Variants in SLC38A11 observed in about 807,000 individuals in gnomAD.
SLC38A11 encodes putative sodium-coupled neutral amino acid transporter 11.
Under a neutral mutation model 49.4 loss-of-function variants are expected in SLC38A11, and 51 were observed. That is an observed-to-expected ratio of 1.03 (90% CI 0.83 to 1.30). The LOEUF is 1.30. Ranked by LOEUF, SLC38A11 falls within the 50% of genes most tolerant of loss-of-function variation. The probability of loss-of-function intolerance (pLI) is 0.00; values close to 1 mark genes in which losing one functional copy is unlikely to be tolerated. For missense variants in SLC38A11, 574 were observed against 556.2 expected, an observed-to-expected ratio of 1.03 and a Z score of -0.32; for synonymous variants, 203 against 192.9, an observed-to-expected ratio of 1.05 and a Z score of -0.43.
chr2:164,898,692 T>G lies in SLC38A11; in HGVS notation c.1134A>C (p.Pro378=). 2 of 1,613,338 alleles carry G rather than the reference T, an allele frequency of 1.2e-6. No homozygotes were observed. The highest frequency in any genetic ancestry group is 1.7e-6 in the Non-Finnish European group (2 of 1,179,600). Residue 378 remains proline (P), a synonymous_variant, in exon 12 of 12, where the codon CCA becomes CCC. Coordinates refer to ENST00000685975, the MANE Select transcript of SLC38A11 (RefSeq NM_001351537.2). ...CAGACAGTTTCAGATAACAGGCTGATGGAATGATAAAAATGAGGGGAGTTG... is the reference window on the plus strand; with the variant it reads ...CAGACAGTTTCAGATAACAGGCTGAGGGAATGATAAAAATGAGGGGAGTTG... The part of the protein sequence containing the change: ...LCATPLIFII[P]SACYLKLSEE...
intron 7 of SLC38A11, among the ~76,000 whole-genome samples, chr2:164,927,156 C>T (rs1020876777): frequency 4.6e-5 from 7 of 152,114 alleles, no homozygotes; most frequent in Non-Finnish European, 7.3e-5. Flanking sequence ...CCTTCCTCCT[C>T]GTGAAGATGC....
chr2:164,915,362 A>C, intron 8 of SLC38A11, 89 bp from the exon 9 acceptor site: 1 of 1,154,884 alleles, frequency 8.7e-7, no homozygotes, highest in Non-Finnish European at 1.2e-6. Flanking sequence ...ACTACTTTAG[A>C]TGCCAATGAA....
chr2:164,948,481 A>T (rs10169509), intron 3 of SLC38A11, among the ~76,000 whole-genome samples: 121,334 of 152,130 alleles, frequency 0.8, 48,818 homozygotes, highest in East Asian at 0.99. Context: ...TTAAGTAAAT[A>T]GATCTCTACA....
At position 164,944,627 on chromosome 2, in the gene SLC38A11, T is replaced by C; in HGVS notation, c.372A>G (p.Ile124Met). 1 of 1,279,210 alleles carries C rather than the reference T, an allele frequency of 7.8e-7. No homozygotes were observed. The highest frequency in any genetic ancestry group is 2.9e-5 in the East Asian group (1 of 35,002). The allele number at this position is 1,279,210 out of a possible 1,614,324, so 79.2% of individuals were successfully genotyped here. ...TATCTCCAGCTATTATATTGTAACTTATCATTGCTAAAAACATAATTAAAA... is the reference window on the plus strand; with the variant it reads ...TATCTCCAGCTATTATATTGTAACTCATCATTGCTAAAAACATAATTAAAA... ...LQFLYPFIAM[I>M]SYNIIAGDTL... The change falls in exon 5 of 12, where the codon ATA becomes ATG. Residue 124 changes from isoleucine (I) to methionine (M), a missense_variant. Physicochemically the swap from Ile to Met is conservative, Grantham distance 10. Transcript: ENST00000685975.
chr2:164,933,613 A>G lies in SLC38A11; in HGVS notation c.617+3737T>C, dbSNP rs114840673. 5.1e-3 allele frequency among the ~76,000 whole-genome samples: 780 copies of G among 152,234 alleles called. 4 individuals are homozygous for G. The highest frequency in any genetic ancestry group is 0.018 in the African/African-American group (755 of 41,566). On this transcript the variant is annotated intron_variant, in intron 7 of 11. Coordinates refer to ENST00000685975, the MANE Select transcript of SLC38A11 (RefSeq NM_001351537.2). Reference sequence around the variant, plus strand: ...CTTCCCCTTTTCTGATAGTGGGTTTAAAGATCTTTTTCAAACACCACTTTA... The same window carrying G: ...CTTCCCCTTTTCTGATAGTGGGTTTGAAGATCTTTTTCAAACACCACTTTA...
At chr2:164,910,700 A>G (rs1685339710) in intron 10 of SLC38A11, among the ~76,000 whole-genome samples, 1 of 152,100 alleles carries the variant, frequency 6.6e-6, no homozygotes, top group African/African-American at 2.4e-5. Flanking sequence ...TAGATATTTC[A>G]CTTATCTCAT....
chr2:164,924,799 A>T (rs992197820), intron 7 of SLC38A11, among the ~76,000 whole-genome samples: 5 of 152,028 alleles, frequency 3.3e-5, no homozygotes, highest in Non-Finnish European at 7.4e-5. Flanking sequence ...CAGTGGCGCA[A>T]TCTCGGCTCA....
chr2:164,918,944 C>G (rs1406303522), intron 7 of SLC38A11, among the ~76,000 whole-genome samples: 2 of 151,990 alleles, frequency 1.3e-5, no homozygotes, highest in Non-Finnish European at 2.9e-5. Context: ...TCCATACACA[C>G]AAATGGGAAG....
In SLC38A11 at chr2:164,894,593, A is replaced by C. The variant is rs532110691; in HGVS notation, c.*3844T>G. 1.2e-4 allele frequency among the ~76,000 whole-genome samples: 19 copies of C among 152,282 alleles called. No homozygotes were observed. Among genetic ancestry groups the C allele is most frequent in the Non-Finnish European group, 2.8e-4 (19 of 68,026 alleles). Reference sequence around the variant, plus strand: ...TTTCTTCATTCTCACAATGGCAGCCATGAAACTCAGGTAACCTTCCCTGAG... The same window carrying C: ...TTTCTTCATTCTCACAATGGCAGCCCTGAAACTCAGGTAACCTTCCCTGAG... On this transcript the variant is annotated 3_prime_UTR_variant, in exon 12 of 12. Transcript: ENST00000685975.
intron 1 of SLC38A11, 123 bp from the exon 2 acceptor site, chr2:164,954,868 T>G (rs1420331590): frequency 1.8e-6 from 1 of 562,794 alleles, no homozygotes; most frequent in Non-Finnish European, 3.2e-6. Context: ...CTAATGAAAA[T>G]AAAATAAATG....
chr2:164,918,179 C>T (rs186682126), intron 7 of SLC38A11, among the ~76,000 whole-genome samples: 20 of 151,704 alleles, frequency 1.3e-4, no homozygotes, highest in Admixed American at 1.3e-3. Context: ...AAGTTATAGA[C>T]CTTTTGACTT....
intron 11 of SLC38A11, among the ~76,000 whole-genome samples, chr2:164,908,306 A>G (rs1391015994): frequency 1.3e-5 from 2 of 152,140 alleles, no homozygotes; most frequent in African/African-American, 4.8e-5. Flanking sequence ...TCTCAACCTC[A>G]GCACAATTGA....
intron 11 of SLC38A11, among the ~76,000 whole-genome samples, chr2:164,902,229 C>G (rs937675915): frequency 1.3e-5 from 2 of 151,842 alleles, no homozygotes; most frequent in African/African-American, 4.8e-5. Flanking sequence ...CTATGTTGCC[C>G]CAGCTGGTCT....
chr2:164,955,286 G>A lies in SLC38A11; in HGVS notation c.-39C>T. The A allele has an allele frequency of 6.5e-7, 1 of 1,546,356 alleles. No homozygotes were observed. Among genetic ancestry groups the A allele is most frequent in the Non-Finnish European group, 8.7e-7 (1 of 1,143,238 alleles). On this transcript the variant is annotated 5_prime_UTR_variant, in exon 1 of 12. Transcript: ENST00000685975. The stretch of plus-strand genomic sequence containing the variant: ...TCCTCAGCAGGTGGAAGATGCTGGG[G>A]CTGGGTACGGATTCGCACCCGGCCA...
At chr2:164,937,204 T>A (rs1687429856) in intron 7 of SLC38A11, 146 bp downstream of exon 7, 1 of 593,464 alleles carries the variant, frequency 1.7e-6, no homozygotes, top group Admixed American at 3.0e-5. Flanking sequence ...TACTGACCTG[T>A]AATTATTTTA....
At chr2:164,944,770 T>G in intron 4 of SLC38A11, 136 bp from the exon 5 acceptor site, 1 of 370,498 alleles carries the variant, frequency 2.7e-6, no homozygotes, top group Non-Finnish European at 5.0e-6. Flanking sequence ...TGATTACCAG[T>G]TTGGACAACT....
At chr2:164,931,205 T>G (rs1443354588) in intron 7 of SLC38A11, among the ~76,000 whole-genome samples, 1 of 115,130 alleles carries the variant, frequency 8.7e-6, no homozygotes, top group Non-Finnish European at 1.7e-5. Flanking sequence ...AGGTGAAAGA[T>G]CTCTACAATG....
rs1337342646 is a variant in SLC38A11, at chr2:164,945,605, A to G, written c.352T>C (p.Tyr118His). 18 of 1,597,014 alleles carry G rather than the reference A, an allele frequency of 1.1e-5. No homozygotes were observed. The highest frequency in any genetic ancestry group is 1.7e-4 in the Middle Eastern group (1 of 6,012). ...ACAGTCAACTTACCTATAAAAGGAT[A>G]CAAAAACTGAAGAACAGAGAGGAGC... ...YLLLSVLQFL[Y>H]PFIAMISYNI... Residue 118 changes from tyrosine to histidine, a missense_variant, in exon 4 of 12, where the codon TAT (tyrosine) becomes CAT (histidine). Transcript: ENST00000685975.
chr2:164,924,762 T>C (rs1406662053), intron 7 of SLC38A11, among the ~76,000 whole-genome samples: 1 of 151,976 alleles, frequency 6.6e-6, no homozygotes, highest in African/African-American at 2.4e-5. Flanking sequence ...TGAGATGGAG[T>C]CTCGCTCTGT....
Sources: allele counts gnomAD v4.1 joint callset (sites outside exome capture counted in the v4.1 genomes callset), GRCh38; gene constraint gnomAD v4.1.1; transcripts MANE v1.5; gene names NCBI Gene and HGNC (gene_info 2026-07-23, HGNC 2026-07-21).